DNMBP: variants seen among roughly 807,000 people sequenced by gnomAD.
DNMBP encodes dynamin-binding protein.
A neutral mutation model predicts 150.0 loss-of-function variants in DNMBP; 87 were observed. That is an observed-to-expected ratio of 0.58 (90% CI 0.49 to 0.69). The LOEUF is 0.69. DNMBP is among the 30% of genes least tolerant of loss of function. The pLI is 0.00. For synonymous variants in DNMBP, 711 were observed against 750.4 expected (o/e 0.95, Z 0.86); for missense variants, 1,774 against 1,949.0 (o/e 0.91, Z 1.69).
chr10:99,997,756 G>A (rs905311968), intron 1 of DNMBP, among the ~76,000 whole-genome samples: 1 of 151,784 alleles, frequency 6.6e-6, no homozygotes, highest in African/African-American at 2.4e-5. Flanking sequence ...AGACCAGCCT[G>A]GGCAACATGG....
chr10:99,880,999 GCAGATC>G (rs1488129540), intron 15 of DNMBP, among the ~76,000 whole-genome samples: 3 of 152,266 alleles, frequency 2.0e-5, no homozygotes, highest in South Asian at 2.1e-4. Context: ...GCTGAGGAGG[GCAGATC>G]ACCAGAGGTC....
intron 4 of DNMBP, chr10:99,930,513 G>A (rs753558013): frequency 1.4e-6 from 1 of 702,924 alleles, no homozygotes; most frequent in South Asian, 1.5e-5. Flanking sequence ...ACTTTCATGT[G>A]CTTCCCCACA....
chr10:100,005,233 T>C lies in DNMBP; in HGVS notation c.-11+4605A>G, dbSNP rs77707291. 7.0e-3 allele frequency among the ~76,000 whole-genome samples: 1,068 copies of C among 152,260 alleles called. 9 individuals are homozygous for C. Among genetic ancestry groups the C allele is most frequent in the Non-Finnish European group, 0.011 (728 of 68,016 alleles). On this transcript the variant is annotated intron_variant, in intron 1 of 16. Transcript: ENST00000324109. ...ATCAAATTCAGTCTCTGCAAGCCTA[T>C]AATCCAGCAATTCCACAGAAATATT... is the stretch of plus-strand genomic sequence containing the variant.
chr10:99,936,291 A>G (rs1213127910), intron 4 of DNMBP, among the ~76,000 whole-genome samples: 2 of 152,182 alleles, frequency 1.3e-5, no homozygotes, highest in South Asian at 2.1e-4. Flanking sequence ...TTCTACAATA[A>G]GACAGATGCT....
chr10:99,882,771 A>T (rs1035323683), intron 15 of DNMBP, among the ~76,000 whole-genome samples: 8 of 151,540 alleles, frequency 5.3e-5, no homozygotes, highest in African/African-American at 1.9e-4. Flanking sequence ...TCAAGCATTT[A>T]AAAAAAAATA....
chr10:99,952,253 A>C (rs2040432530), intron 4 of DNMBP, among the ~76,000 whole-genome samples: 1 of 152,172 alleles, frequency 6.6e-6, no homozygotes, highest in Non-Finnish European at 1.5e-5. Flanking sequence ...TGGTATCTTC[A>C]TCAGCAGTGT....
At chr10:99,880,823 C>G (rs541713611) in intron 15 of DNMBP, among the ~76,000 whole-genome samples, 1 of 152,212 alleles carries the variant, frequency 6.6e-6, no homozygotes, top group South Asian at 2.1e-4. Flanking sequence ...GCCTCGGCAG[C>G]GCACGGGAGC....
At chr10:99,999,619 A>C (rs988681986) in intron 1 of DNMBP, among the ~76,000 whole-genome samples, 1 of 152,218 alleles carries the variant, frequency 6.6e-6, no homozygotes, top group African/African-American at 2.4e-5. Flanking sequence ...CTTTTATTAC[A>C]ATATAGTGTT....
At chr10:99,980,778 T>G (rs1414476138) in intron 1 of DNMBP, among the ~76,000 whole-genome samples, 1 of 151,990 alleles carries the variant, frequency 6.6e-6, no homozygotes, top group Non-Finnish European at 1.5e-5. Flanking sequence ...CATTCCAGCC[T>G]GAGCCACAGA....
chr10:99,909,263 T>A (rs2039871469), intron 4 of DNMBP, 117 bp from the exon 5 acceptor site: 5 of 752,596 alleles, frequency 6.6e-6, no homozygotes, highest in Non-Finnish European at 1.1e-5. Context: ...TTGTCAACCC[T>A]CAGGAAATCA....
At chr10:99,915,536 C>T (rs1455070511) in intron 4 of DNMBP, among the ~76,000 whole-genome samples, 4 of 151,842 alleles carry the variant, frequency 2.6e-5, no homozygotes, top group African/African-American at 7.3e-5. Context: ...GTGAGACCCT[C>T]AGTCTCTACA....
intron 15 of DNMBP, among the ~76,000 whole-genome samples, chr10:99,880,620 TTCACAACC>T (rs891089156): frequency 6.6e-6 from 1 of 152,276 alleles, no homozygotes; most frequent in African/African-American, 2.4e-5. Context: ...TTCATTCATG[TTCACAACC>T]TCACAACAGA....
intron 4 of DNMBP, among the ~76,000 whole-genome samples, chr10:99,939,483 A>G (rs1196746794): frequency 6.6e-6 from 1 of 152,396 alleles, no homozygotes; most frequent in South Asian, 2.1e-4. Flanking sequence ...TACAACAATG[A>G]AAGAGATTGG....
intron 4 of DNMBP, among the ~76,000 whole-genome samples, chr10:99,936,306 G>C (rs564095224): frequency 6.6e-6 from 1 of 151,976 alleles, no homozygotes. Flanking sequence ...GATGCTAACT[G>C]TTCAGCTTAC....
intron 4 of DNMBP, chr10:99,914,186 A>C (rs1277183977): frequency 1.1e-5 from 13 of 1,187,138 alleles, no homozygotes; most frequent in Non-Finnish European, 1.2e-5. Context: ...CTGGACTGAG[A>C]AGTGCACCAG....
Position 99,956,314 on chromosome 10 carries a change from C to T in DNMBP, c.1160G>A (p.Ser387Asn). ...DEDTAGGPPR[S>N]PGVEWEMPLA... ...AGGCATTTCCCACTCCACGCCTGGG[C>T]TTCTCGGGGGCCCTCCTGCGGTGTC... The change falls in exon 4 of 17, where the codon AGC (serine) becomes AAC (asparagine). Residue 387 changes from serine to asparagine, a missense_variant. By Grantham distance (46) the Ser-to-Asn change is conservative. This residue lies in a region of DNMBP where 1,430 missense variants were observed against 1,492.5 expected (regional missense o/e 0.96). Coordinates refer to ENST00000324109, the MANE Select transcript of DNMBP (RefSeq NM_015221.4). 6.2e-7 allele frequency: 1 copy of T among 1,613,974 alleles called. No homozygotes were observed. Among genetic ancestry groups the T allele is most frequent in the Non-Finnish European group, 8.5e-7 (1 of 1,180,004 alleles).
intron 4 of DNMBP, among the ~76,000 whole-genome samples, chr10:99,940,584 C>T (rs913380010): frequency 4.6e-5 from 7 of 152,186 alleles, no homozygotes; most frequent in Admixed American, 1.3e-4. Flanking sequence ...CTTATGAACG[C>T]GTACTAATGT....
rs144042489 is a variant in DNMBP, at chr10:99,966,838, T to C, written c.268+2277A>G. On this transcript the variant is annotated intron_variant, in intron 3 of 16. Transcript: ENST00000324109. ...TTCTGTTGCCCAAGCTGGAGTGTAG[T>C]GGCGTAAACACAGCTCACTGCAGCC... 5.6e-3 allele frequency among the ~76,000 whole-genome samples: 857 copies of C among 152,152 alleles called. 7 individuals carry two copies. Among genetic ancestry groups the C allele is most frequent in the Non-Finnish European group, 8.2e-3 (556 of 68,000 alleles).
intron 4 of DNMBP, among the ~76,000 whole-genome samples, chr10:99,950,519 A>AT (rs2040408746): frequency 6.6e-6 from 1 of 152,214 alleles, no homozygotes; most frequent in Non-Finnish European, 1.5e-5. Flanking sequence ...GACTTGTTGA[A>AT]TGACTTTGAC....
Sources: gnomAD v4.1 joint callset for allele counts (sites outside exome capture counted in the v4.1 genomes callset) on GRCh38, gnomAD v4.1.1 for gene constraint, gnomAD v4.1.1 regional missense constraint, MANE v1.5 for transcripts, NCBI Gene and HGNC (gene_info 2026-07-23, HGNC 2026-07-21) for gene names.